Variants in LOXL4 observed in about 807,000 individuals in gnomAD.
The protein encoded by LOXL4 is lysyl oxidase like 4.
In LOXL4, 72 loss-of-function variants were observed where a neutral mutation model predicts 89.1. The observed-to-expected ratio is 0.81, with a 90% confidence interval of 0.67 to 0.98. The LOEUF (loss-of-function observed/expected upper bound fraction) is 0.98, where lower values mean the gene tolerates loss of function less well. Among genes scored for constraint, LOXL4 ranks in the 50% least tolerant of loss-of-function variants. LOXL4 has a pLI of 0.00. For synonymous variants in LOXL4, 355 were observed against 392.1 expected (o/e 0.91, Z 1.12); for missense variants, 984 against 1,017.5 (o/e 0.97, Z 0.45).
chr10:98,262,961 G>A lies in LOXL4; in HGVS notation c.59C>T (p.Pro20Leu). ...FLFLLLLGQPPPSRPQSLGTT... is the reference protein window; with the variant it reads ...FLFLLLLGQPLPSRPQSLGTT... ...GCCCAGTGACTGTGGCCTGCTGGGA[G>A]GGGGCTGGCCTAGCAGCAGCAGGAA... The change falls in exon 2 of 15, where the codon CCT becomes CTT. Residue 20 changes from proline (P) to leucine (L), a missense_variant. Physicochemically the swap from Pro to Leu is moderately conservative, Grantham distance 98 (BLOSUM62 -3). Transcript: ENST00000260702. The A allele has an allele frequency of 1.2e-6, 2 of 1,613,752 alleles. No individual in the cohort carries two copies. Among genetic ancestry groups the A allele is most frequent in the South Asian group, 2.2e-5 (2 of 91,080 alleles).
intron 3 of LOXL4, 119 bp downstream of exon 3, chr10:98,261,916 G>A (rs1858552368): frequency 9.4e-7 from 1 of 1,064,420 alleles, no homozygotes; most frequent in Non-Finnish European, 1.3e-6. Flanking sequence ...GCCTGGGGAC[G>A]ATGCTCAGTG....
chr10:98,263,180 GCA>G (rs879108182), intron 1 of LOXL4, 129 bp from the exon 2 acceptor site: 2,019 of 548,176 alleles, frequency 3.7e-3, no homozygotes, highest in Middle Eastern at 5.9e-3. Flanking sequence ...GTGTGCACGC[GCA>G]CACACACACA....
chr10:98,265,746 T>C (rs189072516), intron 1 of LOXL4, among the ~76,000 whole-genome samples: 1 of 152,268 alleles, frequency 6.6e-6, no homozygotes, highest in Admixed American at 6.5e-5. Context: ...ATAGAACCGT[T>C]GGTCTAGATT....
At chr10:98,255,806 G>C (rs3763688) in intron 9 of LOXL4, 67 bp from the exon 10 acceptor site, 194,816 of 1,558,598 alleles carry the variant, frequency 0.12, 12,493 homozygotes, top group East Asian at 0.19. Flanking sequence ...CCCATCTGAG[G>C]TGTGGCCTCA....
At position 98,261,025 on chromosome 10, in the gene LOXL4, A is replaced by T. The variant is rs1003396217; in HGVS notation, c.559T>A (p.Trp187Arg). The T allele has an allele frequency of 6.2e-7, 1 of 1,613,936 alleles. No homozygotes were observed. The highest frequency in any genetic ancestry group is 1.3e-5 in the African/African-American group (1 of 74,922). Reference sequence around the variant, plus strand: ...CAGCCCTGGTCACACACCTGCCGCCAGTGGCCCTCATACTTCACCTCCACG... The same window carrying T: ...CAGCCCTGGTCACACACCTGCCGCCTGTGGCCCTCATACTTCACCTCCACG... Reference protein sequence around the residue: ...GAVEVKYEGHWRQVCDQGWTM... With the variant: ...GAVEVKYEGHRRQVCDQGWTM... Residue 187 changes from tryptophan to arginine, a missense_variant, in exon 4 of 15, where the codon TGG (tryptophan) becomes AGG (arginine). Transcript: ENST00000260702.
At chr10:98,260,742 G>A (rs1270050663) in intron 4 of LOXL4, among the ~76,000 whole-genome samples, 180 bp downstream of exon 4, 1 of 152,032 alleles carries the variant, frequency 6.6e-6, no homozygotes, top group Non-Finnish European at 1.5e-5. Context: ...TGAACTCTGC[G>A]AGGTCCCACA....
At chr10:98,260,864 C>G (rs1051855463) in intron 4 of LOXL4, 58 bp downstream of exon 4, 20 of 1,527,046 alleles carry the variant, frequency 1.3e-5, no homozygotes, top group Non-Finnish European at 1.7e-5. Context: ...TGAACACACA[C>G]TCAGTCCCTG....
At chr10:98,267,300 T>C (rs1462009893) in intron 1 of LOXL4, among the ~76,000 whole-genome samples, 1 of 152,154 alleles carries the variant, frequency 6.6e-6, no homozygotes, top group Admixed American at 6.5e-5. Context: ...GTGAGGGCAC[T>C]GGGCAGGGTG....
chr10:98,250,447 C>T (rs1858157383), intron 14 of LOXL4, among the ~76,000 whole-genome samples: 1 of 152,296 alleles, frequency 6.6e-6, no homozygotes, highest in South Asian at 2.1e-4. Flanking sequence ...AACTCTGCCC[C>T]ATCCCACCGC....
Position 98,257,981 on chromosome 10 carries a change from CT to C in LOXL4, c.1104del (p.Leu370Ter). 5 of 1,613,686 alleles carry C rather than the reference CT, an allele frequency of 3.1e-6. No homozygotes were observed. Among genetic ancestry groups the C allele is most frequent in the Non-Finnish European group, 4.2e-6 (5 of 1,179,878 alleles). On this transcript the variant is annotated frameshift_variant and splice_region_variant, in exon 7 of 15. Coordinates refer to ENST00000260702, the MANE Select transcript of LOXL4 (RefSeq NM_032211.7). LOFTEE classifies it high-confidence loss of function. Reference sequence around the variant, plus strand: ...ACCCCTCCCAGGCTGTCTCACTCACCTTGGCCCAGCCGGGCCCCAAAGAGGG... The same window carrying C: ...ACCCCTCCCAGGCTGTCTCACTCACCTGGCCCAGCCGGGCCCCAAAGAGGG... ...REALFGARLG[Q>X]GLGPIHLSEV... is the part of the protein sequence containing the mutation.
rs1285570344 is a variant in LOXL4, at chr10:98,251,143, ACT to A, written c.2120_2121del (p.Glu707ValfsTer15). The A allele has an allele frequency of 6.8e-6, 11 of 1,613,902 alleles. No homozygotes were observed. The African/African-American group carries it at 1.1e-4, about 16-fold the overall frequency. ...VIVNPHYEVA[E>X]SDFSNNMLQC... ...TGCAGCATATTGTTGGAGAAATCTG[ACT>A]CTGCCACTTCATAGTGGGGGTTCAC... On this transcript the variant is annotated frameshift_variant, in exon 14 of 15. Transcript: ENST00000260702. LOFTEE classifies it high-confidence loss of function.
chr10:98,263,189 C>T (rs1010179906), intron 1 of LOXL4, 138 bp from the exon 2 acceptor site: 1 of 619,380 alleles, frequency 1.6e-6, no homozygotes, highest in Non-Finnish European at 2.8e-6. Context: ...CGCACACACA[C>T]ACACAGTGGC....
At position 98,263,150 on chromosome 10, in the gene LOXL4, C is replaced by A. The variant is rs1858596507; in HGVS notation, c.-32-99G>T. 3.3e-6 allele frequency: 3 copies of A among 908,440 alleles called. 1 individual carries two copies. Among genetic ancestry groups the A allele is most frequent in the African/African-American group, 2.0e-5 (1 of 49,038 alleles). The allele number at this position is 908,440 out of a possible 1,614,324, so 56.3% of individuals were successfully genotyped here. A position where few individuals can be genotyped will look rare whatever the true frequency, so the allele number is the denominator to read the frequency against. ...TCCTGGCAAGACAAAGGAAAGAAAA[C>A]CCCCCTCAAATGTGTGTGTGTGTGC... On this transcript the variant is annotated intron_variant, in intron 1 of 14. Coordinates refer to ENST00000260702, the MANE Select transcript of LOXL4 (RefSeq NM_032211.7).
In LOXL4 at chr10:98,262,875, G is replaced by A; in HGVS notation, c.145C>T (p.Leu49=). The A allele has an allele frequency of 6.2e-7, 1 of 1,613,746 alleles. No individual in the cohort carries two copies. The highest frequency in any genetic ancestry group is 8.5e-7 in the Non-Finnish European group (1 of 1,180,046). ...ACGGTGCCCCACTGGCCCTGGTGCAGCACCTCCAGGCGGCCCTCCTCTGGC... is the reference window on the plus strand; with the variant it reads ...ACGGTGCCCCACTGGCCCTGGTGCAACACCTCCAGGCGGCCCTCCTCTGGC... ...SKPEEGRLEV[L]HQGQWGTVCD... is the part of the protein sequence containing the mutation. The change falls in exon 2 of 15, where the codon CTG becomes TTG. Residue 49 remains leucine (L), a synonymous_variant. Coordinates refer to ENST00000260702, the MANE Select transcript of LOXL4 (RefSeq NM_032211.7).
Position 98,262,160 on chromosome 10 carries a change from G to A in LOXL4, c.331C>T (p.Gln111Ter). ...ACTCCCCAGCCATTAGACCCGCACT[G>A]GTCCAAGGAGCTCTCTGTGCCCACA... ...RCVGTESSLD[Q>*]CGSNGWGVSD... Residue 111 changes from glutamine (Q) to a stop codon, truncating the protein, a stop_gained, in exon 3 of 15, where the codon CAG becomes TAG. Transcript: ENST00000260702. LOFTEE classifies it high-confidence loss of function. 1 of 1,613,718 alleles carries A rather than the reference G, an allele frequency of 6.2e-7. No individual in the cohort carries two copies. Among genetic ancestry groups the A allele is most frequent in the Non-Finnish European group, 8.5e-7 (1 of 1,179,990 alleles).
intron 10 of LOXL4, among the ~76,000 whole-genome samples, chr10:98,255,305 CTG>C (rs1418355541): frequency 1.3e-5 from 2 of 152,250 alleles, no homozygotes; most frequent in African/African-American, 4.8e-5. Flanking sequence ...TTGTTTGTAA[CTG>C]TTGGTCATAA....
intron 14 of LOXL4, among the ~76,000 whole-genome samples, chr10:98,250,746 T>C (rs1858167815): frequency 6.6e-6 from 1 of 152,198 alleles, no homozygotes; most frequent in South Asian, 2.1e-4. Flanking sequence ...GGAAAAATAA[T>C]GGACTTGAAA....
chr10:98,256,524 C>T, intron 9 of LOXL4: 1 of 528,722 alleles, frequency 1.9e-6, no homozygotes, highest in South Asian at 2.3e-5. Flanking sequence ...GCTATTCATT[C>T]CTCCTCCACC....
intron 4 of LOXL4, 123 bp downstream of exon 4, chr10:98,260,798 CT>C: frequency 9.7e-7 from 1 of 1,032,812 alleles, no homozygotes; most frequent in Non-Finnish European, 1.4e-6. Context: ...TTACTTGCCC[CT>C]CACATGAGTC....
Sources: allele counts gnomAD v4.1 joint callset (sites outside exome capture counted in the v4.1 genomes callset), GRCh38; gene constraint gnomAD v4.1.1; transcripts MANE v1.5; gene names NCBI Gene and HGNC (gene_info 2026-07-23, HGNC 2026-07-21).